Variants in SCAPER observed in about 807,000 individuals in gnomAD.
SCAPER encodes S-phase cyclin A associated protein in the ER.
A neutral mutation model predicts 182.2 loss-of-function variants in SCAPER; 98 were observed. That is an observed-to-expected ratio of 0.54 (90% CI 0.46 to 0.64). The LOEUF (loss-of-function observed/expected upper bound fraction) is 0.64. SCAPER is among the 30% of genes least tolerant of loss of function. SCAPER has a pLI of 0.00. For missense variants in SCAPER, 1,432 were observed against 1,690.0 expected, an observed-to-expected ratio of 0.85 and a Z score of 2.68; for synonymous variants, 605 against 564.6, an observed-to-expected ratio of 1.07 and a Z score of -1.01.
chr15:76,868,052 T>A (rs1329805326), intron 2 of SCAPER, among the ~76,000 whole-genome samples: 2 of 151,834 alleles, frequency 1.3e-5, no homozygotes, highest in Admixed American at 6.6e-5. Flanking sequence ...AAAAAAAAAA[T>A]TTAGTCCCAT....
At chr15:76,801,308 CTTT>C (rs751649601) in intron 6 of SCAPER, among the ~76,000 whole-genome samples, 1 of 152,038 alleles carries the variant, frequency 6.6e-6, no homozygotes, top group Non-Finnish European at 1.5e-5. Context: ...TTAGTTTTTC[CTTT>C]TTAGTTGGAA....
chr15:76,887,410 C>T (rs985553318), intron 1 of SCAPER, among the ~76,000 whole-genome samples: 4 of 152,110 alleles, frequency 2.6e-5, no homozygotes, highest in Non-Finnish European at 2.9e-5. Flanking sequence ...CAAGGGAAGC[C>T]GTGGCAGACT....
At chr15:76,652,273 AATATATATATATATATATAT>A (rs1172636102) in intron 21 of SCAPER, among the ~76,000 whole-genome samples, 4 of 12,866 alleles carry the variant, frequency 3.1e-4, no homozygotes, top group Non-Finnish European at 4.0e-4. Context: ...AAAAAAAAAA[AATATATATATATATATATAT>A]ATATATATAT....
intron 29 of SCAPER, among the ~76,000 whole-genome samples, chr15:76,368,099 G>T (rs1420960783): frequency 6.6e-6 from 1 of 152,188 alleles, no homozygotes; most frequent in Non-Finnish European, 1.5e-5. Context: ...GACAGCTAAA[G>T]AATAAGCTGC....
chr15:76,619,394 T>C (rs992944784), intron 22 of SCAPER, among the ~76,000 whole-genome samples: 1 of 152,224 alleles, frequency 6.6e-6, no homozygotes, highest in African/African-American at 2.4e-5. Flanking sequence ...GGCTGCAATA[T>C]ATACAAGTCT....
At chr15:76,805,948 G>C (rs2066130231) in intron 5 of SCAPER, among the ~76,000 whole-genome samples, 1 of 152,016 alleles carries the variant, frequency 6.6e-6, no homozygotes. Context: ...TTATTGTTGA[G>C]CTATAAAGTT....
intron 23 of SCAPER, among the ~76,000 whole-genome samples, chr15:76,542,709 T>C (rs1054057395): frequency 3.9e-5 from 6 of 151,972 alleles, no homozygotes; most frequent in Admixed American, 6.6e-5. Flanking sequence ...AGAATTTTGC[T>C]TTTTTTACTC....
intron 4 of SCAPER, 79 bp from the exon 5 acceptor site, chr15:76,842,010 A>C: frequency 7.8e-7 from 1 of 1,281,936 alleles, no homozygotes; most frequent in East Asian, 2.4e-5. Flanking sequence ...AGATTCAATC[A>C]ACTACAAATC....
Position 76,486,814 on chromosome 15 carries a change from C to T in SCAPER, c.2955-15479G>A, listed in dbSNP as rs2051698154. Among the ~76,000 whole-genome samples the T allele has an allele frequency of 4.6e-5, 7 of 152,278 alleles. No individual in the cohort carries two copies. The South Asian group carries it at 1.4e-3, about 32-fold the overall frequency. ...CTCAAAGACCCAAAGACAGACATAA[C>T]ATTCAACCCAGCAGTCCCACTATTG... On this transcript the variant is annotated intron_variant, in intron 24 of 31. Transcript: ENST00000563290.
At chr15:76,730,003 T>C (rs1598408726) in intron 16 of SCAPER, among the ~76,000 whole-genome samples, 1 of 152,102 alleles carries the variant, frequency 6.6e-6, no homozygotes, top group East Asian at 1.9e-4. Flanking sequence ...TTACATAACC[T>C]TGGGCAAAGT....
intron 28 of SCAPER, among the ~76,000 whole-genome samples, chr15:76,378,994 G>A (rs2042754089): frequency 6.6e-6 from 1 of 152,138 alleles, no homozygotes; most frequent in Admixed American, 6.5e-5. Context: ...CATTTCCACT[G>A]TGATAAGCCC....
At chr15:76,475,604 T>C (rs1228883245) in intron 24 of SCAPER, among the ~76,000 whole-genome samples, 1 of 152,188 alleles carries the variant, frequency 6.6e-6, no homozygotes, top group Non-Finnish European at 1.5e-5. Flanking sequence ...TGAGCCACCA[T>C]GCCCCATCAG....
chr15:76,460,643 G>A (rs1457904839), intron 25 of SCAPER, among the ~76,000 whole-genome samples: 1 of 152,084 alleles, frequency 6.6e-6, no homozygotes, highest in Non-Finnish European at 1.5e-5. Flanking sequence ...GATATCCAGT[G>A]ATATGTACGT....
At chr15:76,661,645 C>T (rs1386983604) in intron 21 of SCAPER, among the ~76,000 whole-genome samples, 1 of 152,000 alleles carries the variant, frequency 6.6e-6, no homozygotes, top group East Asian at 1.9e-4. Context: ...CATCTCATGC[C>T]GGTCAGAATA....
intron 16 of SCAPER, 94 bp from the exon 17 acceptor site, chr15:76,728,831 A>T: frequency 2.2e-6 from 3 of 1,351,184 alleles, no homozygotes; most frequent in Non-Finnish European, 3.0e-6. Context: ...TACATGTTCA[A>T]GCCAAGTAGA....
intron 25 of SCAPER, among the ~76,000 whole-genome samples, chr15:76,466,436 T>TTTTTTG: frequency 7.3e-6 from 1 of 137,372 alleles, no homozygotes; most frequent in African/African-American, 2.8e-5. Flanking sequence ...TTTTTTTTTT[T>TTTTTTG]TTTTTTGTAT....
chr15:76,802,241 T>C (rs1441281927), intron 6 of SCAPER, among the ~76,000 whole-genome samples: 1 of 152,166 alleles, frequency 6.6e-6, no homozygotes, highest in Non-Finnish European at 1.5e-5. Context: ...GAGACTAGAA[T>C]CAGGGCTCAT....
intron 5 of SCAPER, among the ~76,000 whole-genome samples, chr15:76,808,262 A>C (rs918709687): frequency 6.6e-6 from 1 of 152,212 alleles, no homozygotes. Context: ...TGGAGCAGGT[A>C]AACAACAGAC....
At chr15:76,608,729 G>GC (rs1051212615) in intron 22 of SCAPER, among the ~76,000 whole-genome samples, 1 of 152,188 alleles carries the variant, frequency 6.6e-6, no homozygotes, top group Non-Finnish European at 1.5e-5. Context: ...AATGGCGGGC[G>GC]CCCCTCCCCC....
Sources: gnomAD v4.1 joint callset for allele counts (sites outside exome capture counted in the v4.1 genomes callset) on GRCh38, gnomAD v4.1.1 for gene constraint, MANE v1.5 for transcripts, NCBI Gene and HGNC (gene_info 2026-07-23, HGNC 2026-07-21) for gene names.